The following LINC00305 variants were observed in gnomAD, a reference collection of about 807,000 sequenced individuals.
The protein encoded by LINC00305 is long intergenic non-protein coding RNA 305.
At chr18:64,105,347 G>C (rs1033664090) in intron 1 of LINC00305, among the ~76,000 whole-genome samples, 4 of 152,122 alleles carry the variant, frequency 2.6e-5, no homozygotes, top group Non-Finnish European at 4.4e-5. Flanking sequence ...TGTAGTCCCA[G>C]CTACTAGGGA....
intron 1 of LINC00305, among the ~76,000 whole-genome samples, chr18:64,144,818 C>G (rs1228077925): frequency 3.3e-5 from 5 of 152,136 alleles, no homozygotes; most frequent in Non-Finnish European, 5.9e-5. Context: ...ATGTGCTTCC[C>G]CCTGCAGAGG....
intron 1 of LINC00305, among the ~76,000 whole-genome samples, chr18:64,118,898 A>C (rs952230850): frequency 1.3e-5 from 2 of 151,108 alleles, no homozygotes; most frequent in African/African-American, 4.9e-5. Flanking sequence ...ATAGGATTAC[A>C]CTTCATACAA....
chr18:64,135,201 C>A (rs904303072), intron 1 of LINC00305, among the ~76,000 whole-genome samples: 1 of 151,952 alleles, frequency 6.6e-6, no homozygotes, highest in Non-Finnish European at 1.5e-5. Flanking sequence ...ATAAGGACAC[C>A]GGTCATATTA....
At chr18:64,084,126 T>C (rs932185884) in intron 3 of LINC00305, among the ~76,000 whole-genome samples, 5 of 152,224 alleles carry the variant, frequency 3.3e-5, no homozygotes, top group African/African-American at 4.8e-5. Context: ...TTTCTTAATC[T>C]GCCTGGCAGT....
At chr18:64,087,121 A>C (rs937618664) in intron 3 of LINC00305, among the ~76,000 whole-genome samples, 5 of 152,242 alleles carry the variant, frequency 3.3e-5, no homozygotes. Flanking sequence ...ATTATTATAC[A>C]CATGGAAATA....
chr18:64,135,180 T>G (rs1234439924), intron 1 of LINC00305, among the ~76,000 whole-genome samples: 2 of 152,114 alleles, frequency 1.3e-5, no homozygotes, highest in African/African-American at 4.8e-5. Flanking sequence ...TTGTCCAAAT[T>G]ACCCCTTTTT....
rs1301981956 is a variant in LINC00305 at position 64,080,534 on chromosome 18, G to A, written n.541-132C>T. The A allele has an allele frequency of 2.6e-5, 6 of 230,382 alleles. No homozygotes were observed. In the East Asian group the frequency reaches 8.0e-4, roughly 31 times the overall value. 14.3% of individuals were successfully genotyped at this position (230,382 alleles called of 1,614,324 possible). On this transcript the variant is annotated intron_variant and non_coding_transcript_variant, in intron 3 of 3. Coordinates refer to ENST00000666468, the Ensembl canonical transcript of LINC00305. ...ATACTTTAAAAAACAAATTCTACTT[G>A]CAGGCAGTGATTCTAAAAATAATTG...
At chr18:64,134,350 T>G (rs1227364958) in intron 1 of LINC00305, among the ~76,000 whole-genome samples, 1 of 152,198 alleles carries the variant, frequency 6.6e-6, no homozygotes, top group Non-Finnish European at 1.5e-5. Context: ...ATGTCCAGTA[T>G]TTATATAAAC....
intron 1 of LINC00305, among the ~76,000 whole-genome samples, chr18:64,103,451 C>T (rs920698023): frequency 1.3e-5 from 2 of 152,134 alleles, no homozygotes; most frequent in Non-Finnish European, 2.9e-5. Flanking sequence ...CGGCACTTCT[C>T]GTCCTGGTTG....
At chr18:64,127,724 C>G (rs1196023691) in intron 1 of LINC00305, among the ~76,000 whole-genome samples, 1 of 152,108 alleles carries the variant, frequency 6.6e-6, no homozygotes, top group Non-Finnish European at 1.5e-5. Context: ...GACCCAATCT[C>G]TGTTCGAACT....
intron 3 of LINC00305, among the ~76,000 whole-genome samples, chr18:64,096,248 G>A (rs2051244656): frequency 6.6e-6 from 1 of 151,868 alleles, no homozygotes. Context: ...AAAGACTCAG[G>A]ATTGTATGCA....
chr18:64,119,190 G>C (rs183066519), intron 1 of LINC00305, among the ~76,000 whole-genome samples: 243 of 152,176 alleles, frequency 1.6e-3, no homozygotes, highest in African/African-American at 5.6e-3. Flanking sequence ...AGACTCCTGC[G>C]GGTACAGAAT....
chr18:64,113,750 A>C (rs972338249), intron 1 of LINC00305, among the ~76,000 whole-genome samples: 3 of 152,172 alleles, frequency 2.0e-5, no homozygotes, highest in African/African-American at 7.2e-5. Flanking sequence ...ATGTATAGAG[A>C]AGAGATCAAT....
intron 1 of LINC00305, among the ~76,000 whole-genome samples, chr18:64,122,405 A>T (rs1445207490): frequency 6.6e-6 from 1 of 151,970 alleles, no homozygotes; most frequent in Non-Finnish European, 1.5e-5. Context: ...TCTGCATATG[A>T]TGATCCAATT....
chr18:64,142,206 G>A (rs975951231), intron 1 of LINC00305, among the ~76,000 whole-genome samples: 1 of 150,936 alleles, frequency 6.6e-6, no homozygotes, highest in African/African-American at 2.4e-5. Context: ...TGGAAGAAGA[G>A]AATGTAGTCT....
chr18:64,107,358 T>C (rs919208227), intron 1 of LINC00305, among the ~76,000 whole-genome samples: 2 of 152,202 alleles, frequency 1.3e-5, no homozygotes, highest in African/African-American at 4.8e-5. Context: ...GGGGGAGGAC[T>C]GTGACCTATG....
intron 1 of LINC00305, among the ~76,000 whole-genome samples, chr18:64,108,829 T>C (rs947936263): frequency 5.9e-5 from 9 of 152,198 alleles, no homozygotes; most frequent in Non-Finnish European, 1.0e-4. Context: ...TAAAAATATA[T>C]AGGGTAGAGC....
chr18:64,089,751 A>C (rs770932338), intron 3 of LINC00305, among the ~76,000 whole-genome samples: 3 of 152,250 alleles, frequency 2.0e-5, no homozygotes, highest in Non-Finnish European at 4.4e-5. Flanking sequence ...GGTGGAAGGC[A>C]AGGAGGAGCA....
At chr18:64,090,116 A>C (rs986310079) in intron 3 of LINC00305, among the ~76,000 whole-genome samples, 14 of 152,090 alleles carry the variant, frequency 9.2e-5, no homozygotes, top group African/African-American at 3.4e-4. Flanking sequence ...GGAGAGGCCA[A>C]TTTTGGAGCT....
Sources: allele counts gnomAD v4.1 joint callset (sites outside exome capture counted in the v4.1 genomes callset), GRCh38; gene constraint gnomAD v4.1.1; transcripts MANE v1.5; gene names NCBI Gene and HGNC (gene_info 2026-07-23, HGNC 2026-07-21).